HS6ST2: variants seen among roughly 807,000 people sequenced by gnomAD.
HS6ST2 encodes the protein heparan-sulfate 6-O-sulfotransferase 2.
A neutral mutation model predicts 33.0 loss-of-function variants in HS6ST2; 17 were observed. The ratio of observed to expected loss-of-function variants is 0.52; its 90% CI spans 0.35 to 0.77. The LOEUF (loss-of-function observed/expected upper bound fraction) is 0.77. HS6ST2 is among the 30% of genes least tolerant of loss of function. HS6ST2 has a pLI of 0.01. For synonymous variants in HS6ST2, 248 were observed against 237.1 expected, an observed-to-expected ratio of 1.05 and a Z score of -0.42; for missense variants, 519 against 551.7, an observed-to-expected ratio of 0.94 and a Z score of 0.59.
chrX:132,753,773 G>A (rs970808573), intron 2 of HS6ST2, among the ~76,000 whole-genome samples: 2 of 112,044 alleles, frequency 1.8e-5, no homozygotes, highest in African/African-American at 6.5e-5. Flanking sequence ...TGAAGGTGAG[G>A]CAAGCAAGGT....
At chrX:132,629,191 G>T in intron 4 of HS6ST2, 98 bp from the exon 5 acceptor site, 1 of 938,901 alleles carries the variant, frequency 1.1e-6, no homozygotes, top group Non-Finnish European at 1.4e-6. Context: ...GGCTAAAAAG[G>T]AAGGCAAAGC....
At chrX:132,767,495 C>T (rs779767982) in intron 2 of HS6ST2, among the ~76,000 whole-genome samples, 8 of 111,785 alleles carry the variant, frequency 7.2e-5, no homozygotes, top group African/African-American at 1.3e-4. Context: ...AAGGTGTTTG[C>T]GAGGATCATC....
chrX:132,850,189 T>C (rs2065789273), intron 2 of HS6ST2, among the ~76,000 whole-genome samples: 1 of 112,373 alleles, frequency 8.9e-6, no homozygotes, highest in African/African-American at 3.2e-5. Context: ...TTTTAGAGTA[T>C]TTTGTGAGAA....
intron 2 of HS6ST2, among the ~76,000 whole-genome samples, chrX:132,904,437 A>C (rs891924763): frequency 2.7e-5 from 3 of 111,455 alleles, no homozygotes; most frequent in Non-Finnish European, 5.6e-5. Context: ...AACAGTTATG[A>C]GGTCATTCCT....
intron 2 of HS6ST2, among the ~76,000 whole-genome samples, chrX:132,746,139 A>T (rs1272454785): frequency 9.0e-6 from 1 of 111,377 alleles, no homozygotes; most frequent in Non-Finnish European, 1.9e-5. Flanking sequence ...TTTGCATGTA[A>T]ACCTGTAGGG....
chrX:132,720,225 T>C (rs778083876), intron 2 of HS6ST2, among the ~76,000 whole-genome samples: 58 of 112,455 alleles, frequency 5.2e-4, no homozygotes, highest in African/African-American at 1.8e-3. Flanking sequence ...TTGCTAATTG[T>C]ATAAGTGGCA....
chrX:132,741,943 A>C (rs956013393), intron 2 of HS6ST2, among the ~76,000 whole-genome samples: 2 of 112,222 alleles, frequency 1.8e-5, no homozygotes, highest in African/African-American at 6.5e-5. Flanking sequence ...TATAAGGATC[A>C]AAAGAGAAAA....
chrX:132,918,593 A>G (rs1484503403), intron 2 of HS6ST2, among the ~76,000 whole-genome samples: 1 of 111,738 alleles, frequency 8.9e-6, no homozygotes, highest in Admixed American at 9.5e-5. Flanking sequence ...TCAGAAGTAC[A>G]ATTCAACTGG....
intron 2 of HS6ST2, among the ~76,000 whole-genome samples, chrX:132,798,088 G>T (rs1032390358): frequency 9.4e-5 from 10 of 106,241 alleles, no homozygotes; most frequent in Admixed American, 3.0e-4. Flanking sequence ...TTCCCAATGG[G>T]GCACCTGCTT....
At chrX:132,937,229 T>C (rs772421323) in intron 2 of HS6ST2, among the ~76,000 whole-genome samples, 5 of 112,155 alleles carry the variant, frequency 4.5e-5, no homozygotes, top group Admixed American at 9.5e-5. Flanking sequence ...CACATGCTCA[T>C]AGATTGAAAG....
rs2063490694 is a variant in HS6ST2 at position 132,628,010 on chromosome X, CA to C, written c.*212del. 3 of 302,414 alleles carry C rather than the reference CA, an allele frequency of 9.9e-6. No individual in the cohort carries two copies. The highest frequency in any genetic ancestry group is 1.7e-5 in the Non-Finnish European group (3 of 172,745). The allele number at this position is 302,414 out of a possible 1,213,427, so 24.9% of individuals were successfully genotyped here. A position where few individuals can be genotyped will look rare whatever the true frequency, so the allele number is the denominator to read the frequency against. ...TCGGATTTCATATTTAGTCCAACCC[CA>C]AAAAGACAATTTAATTCCATATTGA... On this transcript the variant is annotated 3_prime_UTR_variant, in exon 5 of 5. Transcript: ENST00000370833.
At position 132,637,929 on chromosome X, in the gene HS6ST2, TTA is replaced by T. The variant is rs1324355197; in HGVS notation, c.1068-8838_1068-8837del. On this transcript the variant is annotated intron_variant, in intron 4 of 4. Coordinates refer to ENST00000370833, the MANE Select transcript of HS6ST2 (RefSeq NM_001394073.1). ...TTATATATAATATTTTATATATATA[TTA>T]TATATAATATTTTATATATAATATA... Among the ~76,000 whole-genome samples the T allele has an allele frequency of 6.3e-5, 4 of 63,589 alleles. No homozygotes were observed. The East Asian group carries it at 2.0e-3, about 31-fold the overall frequency. The allele number at this position is 63,589 out of a possible 115,157, so 55.2% of individuals were successfully genotyped here. A position where few individuals can be genotyped will look rare whatever the true frequency, so the allele number is the denominator to read the frequency against.
intron 3 of HS6ST2, among the ~76,000 whole-genome samples, chrX:132,706,139 C>T (rs1048907961): frequency 9.0e-6 from 1 of 110,636 alleles, no homozygotes; most frequent in Non-Finnish European, 1.9e-5. Flanking sequence ...GACAATCATA[C>T]TCATCTGAAA....
At chrX:132,882,345 C>G (rs1456729067) in intron 2 of HS6ST2, among the ~76,000 whole-genome samples, 1 of 109,849 alleles carries the variant, frequency 9.1e-6, no homozygotes, top group Non-Finnish European at 1.9e-5. Context: ...CTTCACATCC[C>G]TTGTAAGTTG....
At chrX:132,690,034 A>T (rs2064050548) in intron 3 of HS6ST2, among the ~76,000 whole-genome samples, 1 of 112,293 alleles carries the variant, frequency 8.9e-6, no homozygotes, top group South Asian at 3.7e-4. Flanking sequence ...AAATGGCCAG[A>T]TAGTAAATCT....
At chrX:132,754,014 T>C (rs1473701382) in intron 2 of HS6ST2, among the ~76,000 whole-genome samples, 7 of 112,052 alleles carry the variant, frequency 6.2e-5, no homozygotes, top group Non-Finnish European at 3.8e-5. Context: ...TTAACTAAAG[T>C]CTATGCTTTA....
At chrX:132,883,497 G>A (rs149625084) in intron 2 of HS6ST2, among the ~76,000 whole-genome samples, 2,120 of 110,619 alleles carry the variant, frequency 0.019, 49 homozygotes, top group African/African-American at 0.065. Context: ...TTTTTATTGC[G>A]TTAACCAACA....
At position 132,800,554 on chromosome X, in the gene HS6ST2, A is replaced by C. The variant is rs746608166; in HGVS notation, c.948-92060T>G. Among the ~76,000 whole-genome samples, 7 of 111,202 alleles carry C rather than the reference A, an allele frequency of 6.3e-5. No homozygotes were observed. The East Asian group carries it at 2.0e-3, about 32-fold the overall frequency. On this transcript the variant is annotated intron_variant, in intron 2 of 4. Transcript: ENST00000370833. ...TGAAACTGGTCCCTGGTGCTAAAAA[A>C]GTCGAGGACCACTGCTGTAGAGCAC...
chrX:132,644,903 T>C (rs1603290731), intron 4 of HS6ST2, among the ~76,000 whole-genome samples: 1 of 111,606 alleles, frequency 9.0e-6, no homozygotes, highest in East Asian at 2.9e-4. Flanking sequence ...CAGGAGAGAC[T>C]GCTGCACCCA....
Sources: gnomAD v4.1 joint callset for allele counts (sites outside exome capture counted in the v4.1 genomes callset) on GRCh38, gnomAD v4.1.1 for gene constraint, MANE v1.5 for transcripts, NCBI Gene and HGNC (gene_info 2026-07-23, HGNC 2026-07-21) for gene names.